NTNG2: variants seen among roughly 807,000 people sequenced by gnomAD.
NTNG2 encodes the protein netrin G2.
A neutral mutation model predicts 47.6 loss-of-function variants in NTNG2; 15 were observed. The observed-to-expected ratio is 0.32, with a 90% CI of 0.21 to 0.49. NTNG2 has a LOEUF of 0.49. NTNG2 is among the 20% of genes least tolerant of loss of function. NTNG2 has a pLI of 0.99. For missense variants in NTNG2, 578 were observed against 764.6 expected (o/e 0.76, Z 2.88); for synonymous variants, 307 against 324.6 (o/e 0.95, Z 0.58).
chr9:132,190,225 T>G (rs1359476578), intron 2 of NTNG2, among the ~76,000 whole-genome samples: 2 of 83,180 alleles, frequency 2.4e-5, no homozygotes, highest in Non-Finnish European at 4.1e-5. Context: ...AGAGAGAGAC[T>G]CCATCTCAAA....
chr9:132,230,846 C>A (rs954691839), intron 5 of NTNG2, among the ~76,000 whole-genome samples: 18 of 151,486 alleles, frequency 1.2e-4, no homozygotes, highest in Non-Finnish European at 2.5e-4. Flanking sequence ...TGTGGCCCAG[C>A]AACTCTCAGG....
intron 2 of NTNG2, among the ~76,000 whole-genome samples, chr9:132,170,509 C>G (rs1056408315): frequency 6.6e-6 from 1 of 152,204 alleles, no homozygotes; most frequent in Non-Finnish European, 1.5e-5. Context: ...ATCTCAGCCC[C>G]TCACAGGGCA....
At position 132,215,550 on chromosome 9, in the gene NTNG2, G is replaced by A. The variant is rs145792244; in HGVS notation, c.858-11299G>A. On this transcript the variant is annotated intron_variant, in intron 3 of 7. Transcript: ENST00000393229. This position sits in a 1 kb window ranked among gnomAD's most constrained non-coding sequence, Gnocchi z 4.2. ...AGCCAAGATCGAACCACTGCACTCC[G>A]GTCTAGATGACAAAGCGAGATTCCA... Among the ~76,000 whole-genome samples, 357 of 152,200 alleles carry A rather than the reference G, an allele frequency of 2.3e-3. 7 individuals are homozygous for A. Among genetic ancestry groups the A allele is most frequent in the Admixed American group, 0.021 (324 of 15,294 alleles).
Position 132,166,929 on chromosome 9 carries a change from C to T in NTNG2, c.98C>T (p.Thr33Ile). ...TGGGTGACCACAGATGAGGGCCCCACCTGGGAGTTCTACGCCTGCCAGCCC... is the reference window on the plus strand; with the variant it reads ...TGGGTGACCACAGATGAGGGCCCCATCTGGGAGTTCTACGCCTGCCAGCCC... ...KSWVTTDEGP[T>I]WEFYACQPKV... is the part of the protein sequence containing the mutation. Residue 33 changes from threonine to isoleucine, a missense_variant, in exon 2 of 8, where the codon ACC (threonine) becomes ATC (isoleucine). By Grantham distance (89) the Thr-to-Ile change is moderately conservative. Transcript: ENST00000393229. The T allele has an allele frequency of 6.2e-7, 1 of 1,614,246 alleles. No individual in the cohort carries two copies. The highest frequency in any genetic ancestry group is 8.5e-7 in the Non-Finnish European group (1 of 1,180,044).
chr9:132,191,999 G>A (rs1004008134), intron 2 of NTNG2, among the ~76,000 whole-genome samples: 6 of 152,204 alleles, frequency 3.9e-5, no homozygotes, highest in East Asian at 1.9e-4. Context: ...ATCAAAGGGC[G>A]GCTTTGGAGC....
Position 132,178,029 on chromosome 9 carries a change from C to T in NTNG2, c.213+10985C>T, listed in dbSNP as rs1836613734. 2.6e-5 allele frequency among the ~76,000 whole-genome samples: 4 copies of T among 152,182 alleles called. No homozygotes were observed. In the South Asian group the frequency reaches 8.3e-4, roughly 31 times the overall value. ...ATGAAACCCTCCTGGATATTCTGCA[C>T]TGTAGAAACGATTACTCTCCTGTTG... On this transcript the variant is annotated intron_variant, in intron 2 of 7. Coordinates refer to ENST00000393229, the MANE Select transcript of NTNG2 (RefSeq NM_032536.4).
intron 2 of NTNG2, among the ~76,000 whole-genome samples, chr9:132,174,485 A>G (rs1485290312): frequency 1.3e-5 from 2 of 152,194 alleles, no homozygotes; most frequent in African/African-American, 4.8e-5. Flanking sequence ...GGGACTTGGG[A>G]TAAGTCCCTT....
At chr9:132,184,847 G>A (rs1298793464) in intron 2 of NTNG2, among the ~76,000 whole-genome samples, 2 of 152,214 alleles carry the variant, frequency 1.3e-5, no homozygotes, top group Admixed American at 1.3e-4. Flanking sequence ...ACTTGAACCC[G>A]GGAGGCCGAG....
In NTNG2 at chr9:132,195,818, T is replaced by TA. The variant is rs1838269657; in HGVS notation, c.214-2147dup. 2.0e-5 allele frequency among the ~76,000 whole-genome samples: 3 copies of TA among 151,948 alleles called. No individual in the cohort carries two copies. In the South Asian group the frequency reaches 6.2e-4, roughly 32 times the overall value. ...TAATTTTTAAATTTTTTTTTGTAGATACAGGGTCTTGCTGTGTTGCCTAGG... is the reference window on the plus strand; with the variant it reads ...TAATTTTTAAATTTTTTTTTGTAGATAACAGGGTCTTGCTGTGTTGCCTAGG... On this transcript the variant is annotated intron_variant, in intron 2 of 7. Coordinates refer to ENST00000393229, the MANE Select transcript of NTNG2 (RefSeq NM_032536.4).
At position 132,242,148 on chromosome 9, in the gene NTNG2, G is replaced by T. The variant is rs1215628772; in HGVS notation, c.*37G>T. The T allele has an allele frequency of 3.0e-6, 3 of 1,009,694 alleles. No individual in the cohort carries two copies. Among genetic ancestry groups the T allele is most frequent in the Non-Finnish European group, 3.6e-6 (3 of 826,338 alleles). 62.5% of individuals were successfully genotyped at this position (1,009,694 alleles called of 1,614,324 possible). On this transcript the variant is annotated 3_prime_UTR_variant, in exon 8 of 8. Coordinates refer to ENST00000393229, the MANE Select transcript of NTNG2 (RefSeq NM_032536.4). The surrounding 1 kb of genome is among the most constrained non-coding windows in gnomAD (Gnocchi z 5.9). ...AGGACGCTCCCCGCACCCGGAGGCCGGGGGTCCCGGGGTCCCGGGGCGGGG... is the reference window on the plus strand; with the variant it reads ...AGGACGCTCCCCGCACCCGGAGGCCTGGGGTCCCGGGGTCCCGGGGCGGGG...
chr9:132,201,837 G>A (rs1003280920), intron 3 of NTNG2, among the ~76,000 whole-genome samples: 1 of 152,088 alleles, frequency 6.6e-6, no homozygotes, highest in Non-Finnish European at 1.5e-5. Context: ...CCAAAGACAC[G>A]GCACTGAGCA....
At chr9:132,227,135 G>A (rs895046208) in intron 4 of NTNG2, 114 bp downstream of exon 4, 50 of 1,146,450 alleles carry the variant, frequency 4.4e-5, no homozygotes, top group East Asian at 5.4e-5. Flanking sequence ...AGGCACATAC[G>A]TGTGCACATG....
intron 2 of NTNG2, among the ~76,000 whole-genome samples, chr9:132,178,866 G>T (rs560661335): frequency 8.2e-4 from 120 of 146,478 alleles, no homozygotes; most frequent in African/African-American, 3.0e-3. Flanking sequence ...TGAGGCAGAA[G>T]AATTTCTTGA....
In NTNG2 at chr9:132,241,452, G is replaced by T. The variant is rs1055751784; in HGVS notation, c.1357+408G>T. 3.4e-4 allele frequency: 112 copies of T among 326,320 alleles called. 3 individuals carry two copies. The South Asian group carries it at 4.3e-3, about 12-fold the overall frequency. 20.2% of individuals were successfully genotyped at this position (326,320 alleles called of 1,614,324 possible). ...CGGGGCCTGATGCGACCTGAGGCAC[G>T]GTGGTGCCTGGTGGGAACTACGAGA... On this transcript the variant is annotated intron_variant, in intron 7 of 7. Coordinates refer to ENST00000393229, the MANE Select transcript of NTNG2 (RefSeq NM_032536.4).
At chr9:132,173,622 C>T (rs1217421927) in intron 2 of NTNG2, among the ~76,000 whole-genome samples, 11 of 152,246 alleles carry the variant, frequency 7.2e-5, no homozygotes, top group South Asian at 2.1e-4. Flanking sequence ...ATCCCACCTG[C>T]GATGGGGCAG....
chr9:132,167,423 C>T (rs1835577293), intron 2 of NTNG2, among the ~76,000 whole-genome samples: 2 of 152,244 alleles, frequency 1.3e-5, no homozygotes, highest in African/African-American at 4.8e-5. Flanking sequence ...CAACATGATA[C>T]TGTAAGCTCC....
At chr9:132,230,548 C>T (rs750106732) in intron 4 of NTNG2, 24 bp from the exon 5 acceptor site, 1 of 1,596,210 alleles carries the variant, frequency 6.3e-7, no homozygotes, top group Non-Finnish European at 8.5e-7. Context: ...GGGCAGCCAG[C>T]TCACGCCCGT....
At chr9:132,186,759 C>T (rs1837418545) in intron 2 of NTNG2, among the ~76,000 whole-genome samples, 1 of 152,238 alleles carries the variant, frequency 6.6e-6, no homozygotes, top group Non-Finnish European at 1.5e-5. Context: ...CCGCGGATGC[C>T]CACCGCCTCT....
intron 3 of NTNG2, among the ~76,000 whole-genome samples, chr9:132,209,493 CA>C (rs1839423992): frequency 6.6e-6 from 1 of 152,154 alleles, no homozygotes; most frequent in Admixed American, 6.5e-5. Context: ...AGATCAGAGA[CA>C]GGGGGAATCT....
Sources: gnomAD v4.1 joint callset for allele counts (sites outside exome capture counted in the v4.1 genomes callset) on GRCh38, gnomAD v4.1.1 for gene constraint, Gnocchi (gnomAD v3.1) non-coding constraint, MANE v1.5 for transcripts, NCBI Gene and HGNC (gene_info 2026-07-23, HGNC 2026-07-21) for gene names.